PSMD14: variants seen among roughly 807,000 people sequenced by gnomAD.
PSMD14 encodes proteasome 26S subunit, non-ATPase 14, also known as ubiquitin C-terminal hydrolase PSMD14.
A neutral mutation model predicts 41.2 loss-of-function variants in PSMD14; 7 were observed. That is an observed-to-expected ratio of 0.17 (90% CI 0.10 to 0.32). PSMD14 has a LOEUF of 0.32. Ranked by LOEUF, PSMD14 falls within the 10% of genes least tolerant of loss-of-function variation. PSMD14 has a pLI of 1.00. For missense variants in PSMD14, 139 were observed against 375.6 expected, an observed-to-expected ratio of 0.37 and a Z score of 5.21; for synonymous variants, 114 against 122.3, an observed-to-expected ratio of 0.93 and a Z score of 0.45.
At chr2:161,377,513 T>G (rs1683519397) in intron 7 of PSMD14, among the ~76,000 whole-genome samples, 1 of 151,954 alleles carries the variant, frequency 6.6e-6, no homozygotes, top group Non-Finnish European at 1.5e-5. Context: ...TAATAGTTTA[T>G]CACATTTATT....
chr2:161,397,602 G>A (rs190863874), intron 10 of PSMD14, among the ~76,000 whole-genome samples: 28 of 152,286 alleles, frequency 1.8e-4, no homozygotes, highest in Admixed American at 7.2e-4. Flanking sequence ...ACACCAAAAC[G>A]TAGTATTTCC....
At chr2:161,351,407 T>G (rs1683115737) in intron 3 of PSMD14, among the ~76,000 whole-genome samples, 1 of 152,226 alleles carries the variant, frequency 6.6e-6, no homozygotes, top group Non-Finnish European at 1.5e-5. Flanking sequence ...CATCTTTTGC[T>G]CTGACCTTCT....
chr2:161,339,813 C>A (rs1682924501), intron 3 of PSMD14, among the ~76,000 whole-genome samples: 1 of 152,286 alleles, frequency 6.6e-6, no homozygotes, highest in African/African-American at 2.4e-5. Context: ...GTTCCAGGCC[C>A]AGATGAGAAG....
Position 161,411,258 on chromosome 2 carries a change from G to A in PSMD14, c.835-44G>A, listed in dbSNP as rs373238599. ...AAAAATTTAAGTAATTTATCTACCA[G>A]TAATATGGTTCTGTTTTCTCTTTCC... On this transcript the variant is annotated intron_variant, in intron 11 of 11. Coordinates refer to ENST00000409682, the MANE Select transcript of PSMD14 (RefSeq NM_005805.6). The A allele has an allele frequency of 3.1e-5, 42 of 1,359,538 alleles. No homozygotes were observed. The South Asian group carries it at 3.5e-4, about 11-fold the overall frequency. 84.2% of individuals were successfully genotyped at this position (1,359,538 alleles called of 1,614,324 possible).
chr2:161,394,773 C>T (rs1683768898), intron 9 of PSMD14, among the ~76,000 whole-genome samples: 1 of 152,018 alleles, frequency 6.6e-6, no homozygotes, highest in South Asian at 2.1e-4. Context: ...TGTAGTGTGA[C>T]TATTTTAGGT....
At chr2:161,403,098 T>C (rs1387589321) in intron 10 of PSMD14, among the ~76,000 whole-genome samples, 1 of 152,242 alleles carries the variant, frequency 6.6e-6, no homozygotes, top group African/African-American at 2.4e-5. Flanking sequence ...TATATGAATG[T>C]TCATAGTAGC....
chr2:161,326,633 C>A (rs1425809265), intron 3 of PSMD14, among the ~76,000 whole-genome samples: 1 of 152,016 alleles, frequency 6.6e-6, no homozygotes, highest in Non-Finnish European at 1.5e-5. Context: ...TTTATAATAG[C>A]CAAGGGGTGG....
chr2:161,391,041 T>G (rs961356565), intron 8 of PSMD14, 63 bp from the exon 9 acceptor site: 6 of 1,359,210 alleles, frequency 4.4e-6, no homozygotes, highest in Admixed American at 5.8e-5. Context: ...ATCAACAGTT[T>G]CAAACATTTT....
intron 3 of PSMD14, among the ~76,000 whole-genome samples, chr2:161,362,498 G>A (rs1225247742): frequency 2.0e-5 from 3 of 152,054 alleles, no homozygotes; most frequent in Admixed American, 2.0e-4. Context: ...TTGAGGAGTG[G>A]GATGCTCAAG....
At chr2:161,365,825 A>G (rs1683350308) in intron 3 of PSMD14, among the ~76,000 whole-genome samples, 1 of 152,084 alleles carries the variant, frequency 6.6e-6, no homozygotes, top group African/African-American at 2.4e-5. Flanking sequence ...TCTTTTAACT[A>G]TTTTGAAATA....
chr2:161,331,258 A>ATT (rs61247163), intron 3 of PSMD14, among the ~76,000 whole-genome samples: 29 of 143,258 alleles, frequency 2.0e-4, no homozygotes, highest in East Asian at 4.1e-4. Context: ...TGTCTTTGGA[A>ATT]TTTTTTTTTT....
chr2:161,310,390 G>A (rs561144639), intron 1 of PSMD14, among the ~76,000 whole-genome samples: 6 of 152,176 alleles, frequency 3.9e-5, no homozygotes, highest in African/African-American at 1.4e-4. Context: ...TTGTAGTAAC[G>A]TTCATTTAAT....
In PSMD14 at chr2:161,350,866, ACTT is replaced by A. The variant is rs1162256154; in HGVS notation, c.49-16609_49-16607del. 2.7e-5 allele frequency among the ~76,000 whole-genome samples: 4 copies of A among 149,534 alleles called. No homozygotes were observed. The East Asian group carries it at 7.7e-4, about 29-fold the overall frequency. ...AAGGCAAAACCTGCAATCATATTGT[ACTT>A]CTCCATTTCCCCCAAGTGTAATTAG... On this transcript the variant is annotated intron_variant, in intron 3 of 11. Coordinates refer to ENST00000409682, the MANE Select transcript of PSMD14 (RefSeq NM_005805.6).
intron 2 of PSMD14, among the ~76,000 whole-genome samples, chr2:161,317,872 A>G (rs754103777): frequency 3.3e-5 from 5 of 152,166 alleles, no homozygotes; most frequent in Non-Finnish European, 5.9e-5. Context: ...TTCATTTAGG[A>G]CATAGCGATT....
chr2:161,326,336 T>TGC (rs1682699712), intron 3 of PSMD14, among the ~76,000 whole-genome samples: 1 of 152,098 alleles, frequency 6.6e-6, no homozygotes, highest in African/African-American at 2.4e-5. Context: ...CAGTCCAAAC[T>TGC]TCATAATTTT....
intron 3 of PSMD14, among the ~76,000 whole-genome samples, chr2:161,346,483 C>G (rs1392198429): frequency 2.0e-5 from 3 of 151,056 alleles, no homozygotes; most frequent in Admixed American, 6.6e-5. Flanking sequence ...AGTTGACTGA[C>G]TTATCTCCTT....
At chr2:161,321,701 A>G (rs1162404786) in intron 3 of PSMD14, among the ~76,000 whole-genome samples, 1 of 152,190 alleles carries the variant, frequency 6.6e-6, no homozygotes, top group Admixed American at 6.5e-5. Flanking sequence ...ACAACTGACA[A>G]AACTCAAGAA....
At chr2:161,346,504 A>G (rs534069645) in intron 3 of PSMD14, among the ~76,000 whole-genome samples, 2 of 149,828 alleles carry the variant, frequency 1.3e-5, no homozygotes, top group Admixed American at 6.7e-5. Context: ...ACTGTGGGCC[A>G]TATTTTTTTT....
At chr2:161,332,949 G>A (rs1209726925) in intron 3 of PSMD14, among the ~76,000 whole-genome samples, 1 of 152,138 alleles carries the variant, frequency 6.6e-6, no homozygotes, top group Non-Finnish European at 1.5e-5. Context: ...TCCCATTAAT[G>A]TAAACTCATT....
Sources: allele counts gnomAD v4.1 joint callset (sites outside exome capture counted in the v4.1 genomes callset), GRCh38; gene constraint gnomAD v4.1.1; transcripts MANE v1.5; gene names NCBI Gene and HGNC (gene_info 2026-07-23, HGNC 2026-07-21).